LHCGR: variants seen among roughly 807,000 people sequenced by gnomAD.
The protein encoded by LHCGR is lutropin-choriogonadotropic hormone receptor.
In LHCGR, 55 loss-of-function variants were observed where a neutral mutation model predicts 60.7. The observed-to-expected ratio is 0.91, with a 90% CI of 0.73 to 1.13. The LOEUF is 1.13. Among genes scored for constraint, LHCGR ranks in the 50% most tolerant of loss-of-function variants. LHCGR has a pLI of 0.00. For missense variants in LHCGR, 862 were observed against 836.0 expected (o/e 1.03, Z -0.38); for synonymous variants, 337 against 316.5 (o/e 1.06, Z -0.69).
chr2:48,731,228 T>C lies in LHCGR; in HGVS notation c.232A>G (p.Ile78Val), dbSNP rs751703778. ...AFRGLNEVIKIEISQIDSLER... is the reference protein window; with the variant it reads ...AFRGLNEVIKVEISQIDSLER... Reference sequence around the variant, plus strand: ...TTTGATATGCAGTAACTTACTTACATTTTTATGACCTCATTAAGTCCTCTG... The same window carrying C: ...TTTGATATGCAGTAACTTACTTACACTTTTATGACCTCATTAAGTCCTCTG... The change falls in exon 2 of 11, where the codon ATT becomes GTT. Residue 78 changes from isoleucine (I) to valine (V), a missense_variant and splice_region_variant. Coordinates refer to ENST00000294954, the MANE Select transcript of LHCGR (RefSeq NM_000233.4). 115 of 1,600,226 alleles carry C rather than the reference T, an allele frequency of 7.2e-5. No homozygotes were observed. Among genetic ancestry groups the C allele is most frequent in the Non-Finnish European group, 9.3e-5 (109 of 1,168,322 alleles).
At chr2:48,736,346 T>G (rs1344781641) in intron 1 of LHCGR, among the ~76,000 whole-genome samples, 1 of 152,188 alleles carries the variant, frequency 6.6e-6, no homozygotes, top group Non-Finnish European at 1.5e-5. Context: ...TTAGACCTTC[T>G]TCCTATCAAT....
chr2:48,712,760 A>G (rs998033906), intron 7 of LHCGR, among the ~76,000 whole-genome samples: 7 of 151,800 alleles, frequency 4.6e-5, no homozygotes, highest in African/African-American at 1.7e-4. Context: ...AGGATATGAC[A>G]TTTTCAAAAC....
intron 8 of LHCGR, among the ~76,000 whole-genome samples, chr2:48,699,355 C>G (rs1435218696): frequency 6.6e-6 from 1 of 151,978 alleles, no homozygotes; most frequent in Non-Finnish European, 1.5e-5. Context: ...ATTAGCATTT[C>G]TCTCTCTCTC....
rs117770819 is a variant in LHCGR, at chr2:48,729,773, T to A, written c.234-546A>T. On this transcript the variant is annotated intron_variant, in intron 2 of 10. Transcript: ENST00000294954. ...GGTCAACTCCTGCACATGGTATCCA[T>A]CCTGAATTACAATTACCTACTTCCT... Among the ~76,000 whole-genome samples the A allele has an allele frequency of 1.2e-4, 18 of 152,312 alleles. No homozygotes were observed. The East Asian group carries it at 3.5e-3, about 29-fold the overall frequency.
At chr2:48,719,914 C>G (rs1212476202) in intron 6 of LHCGR, 1 of 152,204 alleles carries the variant, frequency 6.6e-6, no homozygotes, top group East Asian at 1.9e-4. Flanking sequence ...CAGCAGGCTG[C>G]TCCACACGAT....
At chr2:48,743,721 A>G (rs1177628768) in intron 1 of LHCGR, among the ~76,000 whole-genome samples, 8 of 152,132 alleles carry the variant, frequency 5.3e-5, no homozygotes, top group Non-Finnish European at 8.8e-5. Flanking sequence ...TCTATGACAA[A>G]CCCACAGCCA....
chr2:48,717,062 G>A (rs529419196), intron 6 of LHCGR, among the ~76,000 whole-genome samples: 1 of 152,190 alleles, frequency 6.6e-6, no homozygotes, highest in African/African-American at 2.4e-5. Context: ...GGGCAAATCA[G>A]ATGGTCATTG....
chr2:48,699,769 A>G (rs1175252595), intron 8 of LHCGR, among the ~76,000 whole-genome samples: 1 of 152,264 alleles, frequency 6.6e-6, no homozygotes, highest in African/African-American at 2.4e-5. Context: ...AACTGTGTGA[A>G]AAGCTCAGGC....
intron 8 of LHCGR, among the ~76,000 whole-genome samples, chr2:48,702,202 T>C (rs895721232): frequency 1.3e-5 from 2 of 152,148 alleles, no homozygotes; most frequent in African/African-American, 4.8e-5. Context: ...GGATGTTTCA[T>C]GTTGGATGTT....
At chr2:48,734,029 CT>C (rs1338926384) in intron 1 of LHCGR, among the ~76,000 whole-genome samples, 3 of 152,118 alleles carry the variant, frequency 2.0e-5, no homozygotes, top group African/African-American at 7.2e-5. Context: ...GAGAAAAATT[CT>C]CAAATTGATA....
intron 1 of LHCGR, among the ~76,000 whole-genome samples, chr2:48,750,866 A>T: frequency 6.6e-6 from 1 of 152,168 alleles, no homozygotes; most frequent in East Asian, 1.9e-4. Flanking sequence ...TGGTTGTCAC[A>T]ATTTGGGAAG....
chr2:48,752,493 C>G (rs74355240), intron 1 of LHCGR, among the ~76,000 whole-genome samples: 3,825 of 151,664 alleles, frequency 0.025, 200 homozygotes, highest in African/African-American at 0.089. Flanking sequence ...ACCACATCCT[C>G]TCCTCCTGGA....
chr2:48,728,323 A>T (rs1370684824), intron 3 of LHCGR, among the ~76,000 whole-genome samples: 1 of 152,154 alleles, frequency 6.6e-6, no homozygotes, highest in African/African-American at 2.4e-5. Context: ...ATGACACAAC[A>T]TAGAAGAAAT....
intron 1 of LHCGR, among the ~76,000 whole-genome samples, chr2:48,743,948 T>C (rs1269541681): frequency 6.7e-6 from 1 of 150,058 alleles, no homozygotes; most frequent in Admixed American, 6.7e-5. Flanking sequence ...GAAAACCCCA[T>C]TGTCTCAGGC....
intron 1 of LHCGR, among the ~76,000 whole-genome samples, chr2:48,745,861 A>G (rs1047989125): frequency 1.3e-5 from 2 of 151,298 alleles, no homozygotes; most frequent in Non-Finnish European, 2.9e-5. Flanking sequence ...ATAAATAAAT[A>G]AAAAATTAAA....
intron 1 of LHCGR, among the ~76,000 whole-genome samples, chr2:48,743,625 C>G (rs1304151585): frequency 1.3e-5 from 2 of 152,146 alleles, no homozygotes; most frequent in African/African-American, 2.4e-5. Flanking sequence ...CAGAAAAGGA[C>G]TTTGACAAAA....
intron 10 of LHCGR, among the ~76,000 whole-genome samples, chr2:48,691,845 CAAAAAAAAA>C (rs60937994): frequency 1.1e-5 from 1 of 88,378 alleles, no homozygotes; most frequent in Admixed American, 1.3e-4. Context: ...GATTCTGTCT[CAAAAAAAAA>C]AAAAAAAAAA....
At chr2:48,723,413 C>T (rs1206662980) in intron 6 of LHCGR, 43 bp downstream of exon 6, 1 of 1,332,566 alleles carries the variant, frequency 7.5e-7, no homozygotes, top group Non-Finnish European at 1.1e-6. Context: ...GTGAGACTAG[C>T]AGGAGGCTGT....
At position 48,708,948 on chromosome 2, in the gene LHCGR, A is replaced by G; in HGVS notation, c.680T>C (p.Leu227Ser). The G allele has an allele frequency of 5.0e-6, 8 of 1,613,654 alleles. No individual in the cohort carries two copies. Among genetic ancestry groups the G allele is most frequent in the Non-Finnish European group, 5.9e-6 (7 of 1,179,638 alleles). ...GGGGAGGCAGCACCATTCTACTCACAAGGTTTTCGGCCCTGTGGCCCCACG... is the reference window on the plus strand; with the variant it reads ...GGGGAGGCAGCACCATTCTACTCACGAGGTTTTCGGCCCTGTGGCCCCACG... ...AFRGATGPKT[L>S]DISSTKLQAL... is the part of the protein sequence containing the mutation. Residue 227 changes from leucine to serine, a missense_variant and splice_region_variant, in exon 8 of 11, where the codon TTG (leucine) becomes TCG (serine). Leu to Ser is a moderately radical substitution (Grantham distance 145). Coordinates refer to ENST00000294954, the MANE Select transcript of LHCGR (RefSeq NM_000233.4).
Sources: allele counts gnomAD v4.1 joint callset (sites outside exome capture counted in the v4.1 genomes callset), GRCh38; gene constraint gnomAD v4.1.1; transcripts MANE v1.5; gene names NCBI Gene and HGNC (gene_info 2026-07-23, HGNC 2026-07-21).